SERPINB2: variants seen among roughly 807,000 people sequenced by gnomAD.
SERPINB2 encodes plasminogen activator inhibitor 2.
Under a neutral mutation model 39.4 loss-of-function variants are expected in SERPINB2, and 28 were observed. The observed-to-expected ratio is 0.71, with a 90% CI of 0.53 to 0.97. The LOEUF (loss-of-function observed/expected upper bound fraction) is 0.97, where lower values mean the gene tolerates loss of function less well. Among genes scored for constraint, SERPINB2 ranks in the 50% least tolerant of loss-of-function variants. SERPINB2 has a pLI of 0.00. For missense variants in SERPINB2, 557 were observed against 505.3 expected (o/e 1.10, Z -0.98); for synonymous variants, 209 against 175.1 (o/e 1.19, Z -1.53).
At chr18:63,901,233 C>T (rs1376567674) in intron 5 of SERPINB2, among the ~76,000 whole-genome samples, 3 of 152,234 alleles carry the variant, frequency 2.0e-5, no homozygotes, top group African/African-American at 4.8e-5. Context: ...GTTCTAGGCT[C>T]ATCCAGGATA....
At chr18:63,890,371 G>T (rs1055867155) in intron 1 of SERPINB2, among the ~76,000 whole-genome samples, 1 of 152,096 alleles carries the variant, frequency 6.6e-6, no homozygotes, top group South Asian at 2.1e-4. Context: ...CCCAGTTCGG[G>T]GAAGGCACTG....
chr18:63,895,784 G>A (rs1390491914), intron 3 of SERPINB2, among the ~76,000 whole-genome samples: 1 of 152,174 alleles, frequency 6.6e-6, no homozygotes, highest in Non-Finnish European at 1.5e-5. Flanking sequence ...ATGATTGCAT[G>A]AGAAATCACT....
At position 63,902,936 on chromosome 18, in the gene SERPINB2, G is replaced by A. The variant is rs1357907814; in HGVS notation, c.879G>A (p.Lys293=). 6.2e-7 allele frequency: 1 copy of A among 1,612,124 alleles called. No homozygotes were observed. Among genetic ancestry groups the A allele is most frequent in the South Asian group, 1.1e-5 (1 of 90,692 alleles). The stretch of plus-strand genomic sequence containing the variant: ...AAATAACCTATGACAAACTCAACAA[G>A]TGGACCAGCAAAGACAAAATGGCTG... The part of the protein sequence containing the change: ...ESEITYDKLN[K]WTSKDKMAED... The change falls in exon 8 of 8, where the codon AAG becomes AAA. Residue 293 remains lysine, a synonymous_variant. Transcript: ENST00000299502.
At chr18:63,892,449 A>G (rs191257709) in intron 2 of SERPINB2, among the ~76,000 whole-genome samples, 4 of 152,316 alleles carry the variant, frequency 2.6e-5, no homozygotes, top group African/African-American at 9.6e-5. Flanking sequence ...AATTCTTGTG[A>G]TCATGTTACT....
At chr18:63,893,868 C>A (rs920982261) in intron 2 of SERPINB2, among the ~76,000 whole-genome samples, 1 of 152,122 alleles carries the variant, frequency 6.6e-6, no homozygotes, top group African/African-American at 2.4e-5. Context: ...TTACCGTACT[C>A]ATTTTACAGA....
chr18:63,902,307 C>T, intron 6 of SERPINB2, 97 bp from the exon 7 acceptor site: 1 of 1,091,310 alleles, frequency 9.2e-7, no homozygotes, highest in South Asian at 2.0e-5. Flanking sequence ...TCACATTTAT[C>T]CTACACTAAA....
chr18:63,896,223 G>A (rs1020667281), intron 3 of SERPINB2, among the ~76,000 whole-genome samples: 2 of 152,114 alleles, frequency 1.3e-5, no homozygotes, highest in African/African-American at 2.4e-5. Context: ...ATTCCGCCAG[G>A]TGTTCTGTGG....
At position 63,902,993 on chromosome 18, in the gene SERPINB2, C is replaced by A. The variant is rs541351737; in HGVS notation, c.936C>A (p.Phe312Leu). The A allele has an allele frequency of 6.2e-6, 10 of 1,613,772 alleles. No homozygotes were observed. In the South Asian group the frequency reaches 1.1e-4, roughly 18 times the overall value. Residue 312 changes from phenylalanine (F) to leucine (L), a missense_variant, in exon 8 of 8, where the codon TTC becomes TTA. By Grantham distance (22) the Phe-to-Leu change is conservative (BLOSUM62 0). Transcript: ENST00000299502. ...EDEVEVYIPQ[F>L]KLEEHYELRS... ...AAGTTGAGGTATACATACCCCAGTTCAAATTAGAAGAGCATTATGAACTCA... is the reference window on the plus strand; with the variant it reads ...AAGTTGAGGTATACATACCCCAGTTAAAATTAGAAGAGCATTATGAACTCA...
chr18:63,903,276 T>C lies in SERPINB2; in HGVS notation c.1219T>C (p.Leu407=). 6.5e-7 allele frequency: 1 copy of C among 1,537,392 alleles called. No individual in the cohort carries two copies. Residue 407 remains leucine, a synonymous_variant, in exon 8 of 8, where the codon TTA becomes CTA. Coordinates refer to ENST00000299502, the MANE Select transcript of SERPINB2 (RefSeq NM_002575.3). ...TATGCATAAGATAACCAACTGCATT[T>C]TATTTTTCGGCAGATTTTCCTCACC... The part of the protein sequence containing the change: ...LIMHKITNCI[L]FFGRFSSP
At chr18:63,897,490 C>A (rs2049967280) in intron 4 of SERPINB2, among the ~76,000 whole-genome samples, 1 of 152,128 alleles carries the variant, frequency 6.6e-6, no homozygotes, top group Non-Finnish European at 1.5e-5. Context: ...AAACCTCTTT[C>A]CTTTTATTCT....
chr18:63,902,355 C>G (rs369937318), intron 6 of SERPINB2, 49 bp from the exon 7 acceptor site: 21 of 1,463,884 alleles, frequency 1.4e-5, no homozygotes, highest in Non-Finnish European at 1.9e-5. Flanking sequence ...TTGTAAATCT[C>G]TTGATATCTT....
At chr18:63,897,582 T>A (rs1317110950) in intron 4 of SERPINB2, 145 bp from the exon 5 acceptor site, 3 of 729,708 alleles carry the variant, frequency 4.1e-6, no homozygotes, top group Non-Finnish European at 7.4e-6. Context: ...TCTTTCCCCC[T>A]TCAGCACCTG....
rs762109074 is a variant in SERPINB2 at position 63,903,188 on chromosome 18, G to A, written c.1131G>A (p.Met377Ile). The A allele has an allele frequency of 1.2e-6, 2 of 1,613,666 alleles. No homozygotes were observed. Among genetic ancestry groups the A allele is most frequent in the Admixed American group, 3.3e-5 (2 of 59,968 alleles). ...TEAAAGTGGV[M>I]TGRTGHGGPQ... ...CAGCCGCTGGCACAGGAGGTGTTAT[G>A]ACAGGGAGAACTGGACATGGAGGCC... The change falls in exon 8 of 8, where the codon ATG becomes ATA. Residue 377 changes from methionine (M) to isoleucine (I), a missense_variant. By Grantham distance (10) the Met-to-Ile change is conservative (BLOSUM62 1). Coordinates refer to ENST00000299502, the MANE Select transcript of SERPINB2 (RefSeq NM_002575.3).
Position 63,902,582 on chromosome 18 carries a change from A to G in SERPINB2, c.843+14A>G, listed in dbSNP as rs377197037. On this transcript the variant is annotated intron_variant, in intron 7 of 7. Coordinates refer to ENST00000299502, the MANE Select transcript of SERPINB2 (RefSeq NM_002575.3). Reference sequence around the variant, plus strand: ...GGCTTGGAGCTGGTAAGACATTCAGATATTTAAGTTTCTGGGGCTATACCT... The same window carrying G: ...GGCTTGGAGCTGGTAAGACATTCAGGTATTTAAGTTTCTGGGGCTATACCT... The G allele has an allele frequency of 7.6e-6, 12 of 1,575,852 alleles. No homozygotes were observed. The highest frequency in any genetic ancestry group is 1.1e-5 in the South Asian group (1 of 88,370).
In SERPINB2 at chr18:63,897,618, A is replaced by C. The variant is rs967429276; in HGVS notation, c.418-109A>C. On this transcript the variant is annotated intron_variant, in intron 4 of 7. Transcript: ENST00000299502. ...CCTTCCATAGCCAACCTCCACTCCC[A>C]CCCTACCCCAGGTCTCCTAATTTCA... 3.5e-6 allele frequency: 3 copies of C among 854,814 alleles called. No individual in the cohort carries two copies. The African/African-American group carries it at 5.1e-5, about 15-fold the overall frequency. The allele number at this position is 854,814 out of a possible 1,614,324, so 53.0% of individuals were successfully genotyped here.
At position 63,897,214 on chromosome 18, in the gene SERPINB2, C is replaced by G; in HGVS notation, c.412C>G (p.Arg138Gly). The G allele has an allele frequency of 6.2e-7, 1 of 1,607,068 alleles. No individual in the cohort carries two copies. The highest frequency in any genetic ancestry group is 8.5e-7 in the Non-Finnish European group (1 of 1,177,302). The part of the protein sequence containing the change: ...KLFGEKSASF[R>G]EEYIRLCQKY... ...GTTTGGTGAGAAGTCTGCGAGCTTC[C>G]GGGAAGTAAGTGAAACCTGTAATTG... is the stretch of plus-strand genomic sequence containing the variant. The change falls in exon 4 of 8, where the codon CGG becomes GGG. Residue 138 changes from arginine to glycine, a missense_variant. Physicochemically the swap from Arg to Gly is moderately radical, Grantham distance 125 (BLOSUM62 -2). Coordinates refer to ENST00000299502, the MANE Select transcript of SERPINB2 (RefSeq NM_002575.3).
intron 4 of SERPINB2, among the ~76,000 whole-genome samples, chr18:63,897,445 T>C (rs1200094085): frequency 1.3e-5 from 2 of 152,162 alleles, no homozygotes; most frequent in Non-Finnish European, 1.5e-5. Flanking sequence ...GGAAAACAAA[T>C]GCAACTGTTT....
At position 63,903,593 on chromosome 18, in the gene SERPINB2, T is replaced by C. The variant is rs1172764340; in HGVS notation, c.*288T>C. Reference sequence around the variant, plus strand: ...TAACTTTTACTTTGTTATTTATTATTTTATATAATGGTGAGTTTTTAAATT... The same window carrying C: ...TAACTTTTACTTTGTTATTTATTATCTTATATAATGGTGAGTTTTTAAATT... On this transcript the variant is annotated 3_prime_UTR_variant, in exon 8 of 8. Coordinates refer to ENST00000299502, the MANE Select transcript of SERPINB2 (RefSeq NM_002575.3). 5.2e-6 allele frequency: 1 copy of C among 193,560 alleles called. No individual in the cohort carries two copies. The highest frequency in any genetic ancestry group is 1.2e-4 in the East Asian group (1 of 8,114). The allele number at this position is 193,560 out of a possible 1,614,324, so 12.0% of individuals were successfully genotyped here. A position where few individuals can be genotyped will look rare whatever the true frequency, so the allele number is the denominator to read the frequency against.
At chr18:63,894,020 C>T (rs1469918784) in intron 2 of SERPINB2, among the ~76,000 whole-genome samples, 1 of 152,100 alleles carries the variant, frequency 6.6e-6, no homozygotes, top group African/African-American at 2.4e-5. Context: ...AGGATATAAG[C>T]TCTTTTCCTT....
Sources: allele counts gnomAD v4.1 joint callset (sites outside exome capture counted in the v4.1 genomes callset), GRCh38; gene constraint gnomAD v4.1.1; transcripts MANE v1.5; gene names NCBI Gene and HGNC (gene_info 2026-07-23, HGNC 2026-07-21).